PRKN: variants seen among roughly 807,000 people sequenced by gnomAD.
PRKN encodes parkin RBR E3 ubiquitin protein ligase, also known as E3 ubiquitin-protein ligase parkin.
A neutral mutation model predicts 59.5 loss-of-function variants in PRKN; 56 were observed. The ratio of observed to expected loss-of-function variants is 0.94; its 90% CI spans 0.76 to 1.18. PRKN has a LOEUF of 1.18. PRKN is among the 50% of genes most tolerant of loss of function. The pLI, the probability that PRKN is intolerant of heterozygous loss-of-function variation, is 0.00. For synonymous variants in PRKN, 250 were observed against 222.1 expected, an observed-to-expected ratio of 1.13 and a Z score of -1.12; for missense variants, 657 against 596.4, an observed-to-expected ratio of 1.10 and a Z score of -1.06.
rs1190614849 is a variant in PRKN, at chr6:161,391,261, C to A, written c.1084-4384G>T. Among the ~76,000 whole-genome samples, 1 of 152,180 alleles carries A rather than the reference C, an allele frequency of 6.6e-6. No individual in the cohort carries two copies. The highest frequency in any genetic ancestry group is 1.9e-4 in the East Asian group (1 of 5,172). Reference sequence around the variant, plus strand: ...TTGCTATTACTTAAAAATGGTCTTACATTTGCTGAGGCTCCCTTAAGCTGC... The same window carrying A: ...TTGCTATTACTTAAAAATGGTCTTAAATTTGCTGAGGCTCCCTTAAGCTGC... On this transcript the variant is annotated intron_variant, in intron 9 of 11. Coordinates refer to ENST00000366898, the MANE Select transcript of PRKN (RefSeq NM_004562.3). The surrounding 1 kb of genome is among the most constrained non-coding windows in gnomAD (Gnocchi z 4.9).
At chr6:162,030,761 G>A (rs1049268365) in intron 5 of PRKN, among the ~76,000 whole-genome samples, 1 of 152,128 alleles carries the variant, frequency 6.6e-6, no homozygotes, top group Admixed American at 6.5e-5. Context: ...TAAGAGGACC[G>A]CAGAGAGAGA....
At chr6:162,093,029 A>T (rs1373434051) in intron 4 of PRKN, among the ~76,000 whole-genome samples, 1 of 152,188 alleles carries the variant, frequency 6.6e-6, no homozygotes, top group Admixed American at 6.5e-5. Flanking sequence ...TCACAATTTG[A>T]ACCAAAAGGT....
intron 7 of PRKN, among the ~76,000 whole-genome samples, chr6:161,732,231 T>A (rs903906559): frequency 6.6e-6 from 1 of 152,018 alleles, no homozygotes; most frequent in Non-Finnish European, 1.5e-5. Context: ...GGATTACAGG[T>A]GTGTGCCACC....
At chr6:161,836,150 G>A (rs866222788) in intron 6 of PRKN, among the ~76,000 whole-genome samples, 30 of 152,206 alleles carry the variant, frequency 2.0e-4, no homozygotes, top group Middle Eastern at 6.8e-3. Context: ...GCCAGCTTTG[G>A]GGGTGCTAAA....
At chr6:162,418,323 T>C (rs559539303) in intron 2 of PRKN, among the ~76,000 whole-genome samples, 60 of 152,144 alleles carry the variant, frequency 3.9e-4, no homozygotes, top group African/African-American at 1.4e-3. Context: ...GAAAGTAAAT[T>C]AATGGTTGCC....
chr6:161,351,506 G>C (rs149139900), intron 11 of PRKN, among the ~76,000 whole-genome samples: 1 of 151,738 alleles, frequency 6.6e-6, no homozygotes. Context: ...TGAATTTTTC[G>C]TAGAGACAGG....
intron 7 of PRKN, among the ~76,000 whole-genome samples, chr6:161,716,838 G>A (rs555368720): frequency 7.0e-4 from 106 of 152,298 alleles, no homozygotes; most frequent in South Asian, 5.6e-3. Flanking sequence ...GAGACCAGGC[G>A]GCTGGGAAGA....
intron 7 of PRKN, among the ~76,000 whole-genome samples, chr6:161,667,192 G>T (rs181824369): frequency 1.1e-4 from 16 of 152,048 alleles, no homozygotes; most frequent in Admixed American, 1.0e-3. Context: ...AGTTTTAGCC[G>T]TCATCATTAT....
intron 3 of PRKN, among the ~76,000 whole-genome samples, chr6:162,205,052 A>T (rs1784881529): frequency 6.6e-6 from 1 of 151,824 alleles, no homozygotes; most frequent in African/African-American, 2.4e-5. Flanking sequence ...TAGTAGAGAC[A>T]GGGTTTCACC....
At chr6:162,325,528 C>G (rs1313208316) in intron 2 of PRKN, among the ~76,000 whole-genome samples, 1 of 152,074 alleles carries the variant, frequency 6.6e-6, no homozygotes, top group Non-Finnish European at 1.5e-5. Flanking sequence ...GGCTCTACCA[C>G]AACAAGATGG....
chr6:161,953,679 C>T (rs993401157), intron 6 of PRKN, among the ~76,000 whole-genome samples: 10 of 152,254 alleles, frequency 6.6e-5, no homozygotes, highest in Admixed American at 2.0e-4. Context: ...AAGTGACACA[C>T]ACAAGTCAGA....
chr6:161,777,404 G>C (rs757163511), intron 7 of PRKN, among the ~76,000 whole-genome samples: 3 of 152,034 alleles, frequency 2.0e-5, no homozygotes, highest in Non-Finnish European at 4.4e-5. Flanking sequence ...CAATGAAAAA[G>C]ATTGGTTCAT....
chr6:161,984,394 A>G (rs1245245722), intron 5 of PRKN, among the ~76,000 whole-genome samples: 1 of 152,036 alleles, frequency 6.6e-6, no homozygotes, highest in African/African-American at 2.4e-5. Flanking sequence ...AGTAGCTGGG[A>G]TTACAGGCGT....
At chr6:162,340,161 G>C (rs1284154386) in intron 2 of PRKN, among the ~76,000 whole-genome samples, 2 of 129,066 alleles carry the variant, frequency 1.5e-5, no homozygotes, top group Non-Finnish European at 3.3e-5. Flanking sequence ...AAAAAAAAAA[G>C]TAGTCTCTGA....
At chr6:162,173,361 G>A (rs1045362975) in intron 4 of PRKN, among the ~76,000 whole-genome samples, 3 of 152,088 alleles carry the variant, frequency 2.0e-5, no homozygotes, top group Admixed American at 2.0e-4. Flanking sequence ...GAAAACCAAG[G>A]AATTTCACCA....
At chr6:162,186,254 T>C (rs1784023849) in intron 4 of PRKN, among the ~76,000 whole-genome samples, 1 of 152,140 alleles carries the variant, frequency 6.6e-6, no homozygotes, top group South Asian at 2.1e-4. Context: ...AAAGAGGTGC[T>C]GATTGCCTAT....
chr6:161,968,573 CTA>C (rs902502614), intron 6 of PRKN, among the ~76,000 whole-genome samples: 16 of 152,096 alleles, frequency 1.1e-4, no homozygotes, highest in Non-Finnish European at 1.5e-4. Context: ...TACGCAGAAA[CTA>C]TATTTACAGA....
intron 4 of PRKN, among the ~76,000 whole-genome samples, chr6:162,138,251 C>A (rs527843117): frequency 1.8e-4 from 27 of 152,212 alleles, no homozygotes; most frequent in Admixed American, 1.0e-3. Context: ...TGCATTCCCA[C>A]CAGACAGAGT....
chr6:162,614,771 T>C (rs1782335325), intron 1 of PRKN, among the ~76,000 whole-genome samples: 2 of 152,148 alleles, frequency 1.3e-5, no homozygotes, highest in African/African-American at 4.8e-5. Flanking sequence ...CAAGTCTGTA[T>C]TTTTTTAAAA....
Sources: allele counts gnomAD v4.1 joint callset (sites outside exome capture counted in the v4.1 genomes callset), GRCh38; gene constraint gnomAD v4.1.1; non-coding constraint Gnocchi (gnomAD v3.1); transcripts MANE v1.5; gene names NCBI Gene and HGNC (gene_info 2026-07-23, HGNC 2026-07-21).